Variants in SLC44A5 observed in about 807,000 individuals in gnomAD.
SLC44A5 encodes the protein choline transporter-like protein 5.
Under a neutral mutation model 101.8 loss-of-function variants are expected in SLC44A5, and 57 were observed. The ratio of observed to expected loss-of-function variants is 0.56; its 90% CI spans 0.45 to 0.70. The LOEUF is 0.70. Ranked by LOEUF, SLC44A5 falls within the 30% of genes least tolerant of loss-of-function variation. The pLI, the probability that SLC44A5 is intolerant of heterozygous loss-of-function variation, is 0.00. For missense variants in SLC44A5, 737 were observed against 853.1 expected (o/e 0.86, Z 1.70); for synonymous variants, 281 against 290.9 (o/e 0.97, Z 0.35).
intron 3 of SLC44A5, among the ~76,000 whole-genome samples, chr1:75,384,551 A>C (rs2101278652): frequency 1.0e-5 from 1 of 96,546 alleles, no homozygotes; most frequent in South Asian, 4.3e-4. Flanking sequence ...ACCCAGATTC[A>C]TAAAGCAAGT....
chr1:75,393,004 G>A (rs186930768), intron 3 of SLC44A5, among the ~76,000 whole-genome samples: 2 of 152,210 alleles, frequency 1.3e-5, no homozygotes, highest in Admixed American at 1.3e-4. Context: ...ACTATAAGAT[G>A]GGAGTGAGGA....
At chr1:75,598,836 C>T (rs952859412) in intron 1 of SLC44A5, among the ~76,000 whole-genome samples, 27 of 152,206 alleles carry the variant, frequency 1.8e-4, no homozygotes, top group Admixed American at 3.3e-4. Flanking sequence ...CTAGGCTTAA[C>T]ACCTGGGTGA....
chr1:75,395,535 CT>C (rs1321377710), intron 3 of SLC44A5, among the ~76,000 whole-genome samples: 1 of 152,038 alleles, frequency 6.6e-6, no homozygotes, highest in African/African-American at 2.4e-5. Flanking sequence ...AAAATGCTAT[CT>C]AAGTGTGAGA....
At position 75,259,560 on chromosome 1, in the gene SLC44A5, T is replaced by C. The variant is rs560916465; in HGVS notation, c.261-8266A>G. Among the ~76,000 whole-genome samples, 6 of 152,270 alleles carry C rather than the reference T, an allele frequency of 3.9e-5. No individual in the cohort carries two copies. In the South Asian group the frequency reaches 1.2e-3, roughly 32 times the overall value. The stretch of plus-strand genomic sequence containing the variant: ...AGACCAAATATATGTTTGATTGGTG[T>C]ACCTGAAAGTGACAGGGAGAATGGA... On this transcript the variant is annotated intron_variant, in intron 6 of 23. Transcript: ENST00000370859.
chr1:75,696,950 G>A, the SLC44A5 span, among the ~76,000 whole-genome samples: 1 of 152,088 alleles, frequency 6.6e-6, no homozygotes, highest in African/African-American at 2.4e-5. Context: ...GATCAGGAGT[G>A]GGCCAGAGTT....
intron 3 of SLC44A5, among the ~76,000 whole-genome samples, chr1:75,376,267 C>A (rs1483561962): frequency 4.6e-5 from 7 of 152,230 alleles, no homozygotes; most frequent in African/African-American, 1.7e-4. Context: ...GGGAGGGGCG[C>A]CCGCCATTGC....
chr1:75,441,532 A>G (rs1056997465), intron 2 of SLC44A5, among the ~76,000 whole-genome samples: 10 of 152,050 alleles, frequency 6.6e-5, no homozygotes, highest in Non-Finnish European at 5.9e-5. Flanking sequence ...AGGTGAAAAA[A>G]CAGTATATAA....
At chr1:75,687,273 G>A in the SLC44A5 span, among the ~76,000 whole-genome samples, 1 of 152,000 alleles carries the variant, frequency 6.6e-6, no homozygotes, top group African/African-American at 2.4e-5. Context: ...AAAGTGAATG[G>A]CTCCACAGTG....
chr1:75,309,437 T>A (rs532613707), intron 4 of SLC44A5, among the ~76,000 whole-genome samples: 9 of 152,234 alleles, frequency 5.9e-5, no homozygotes, highest in Non-Finnish European at 1.3e-4. Flanking sequence ...CTAAAAAAAA[T>A]TTTTCAAATA....
chr1:75,700,937 G>C, the SLC44A5 span, among the ~76,000 whole-genome samples: 7 of 152,004 alleles, frequency 4.6e-5, no homozygotes, highest in African/African-American at 1.7e-4. Context: ...GAGACATACA[G>C]CCTCCCAAGA....
the SLC44A5 span, among the ~76,000 whole-genome samples, chr1:75,681,890 G>A: frequency 2.6e-5 from 4 of 152,196 alleles, no homozygotes; most frequent in Non-Finnish European, 5.9e-5. Flanking sequence ...TCCTTAAGCT[G>A]ATAAGCAACT....
At chr1:75,497,776 A>T (rs968404165) in intron 2 of SLC44A5, among the ~76,000 whole-genome samples, 1 of 152,150 alleles carries the variant, frequency 6.6e-6, no homozygotes, top group African/African-American at 2.4e-5. Context: ...ATTTCAATTT[A>T]AAAAATGTTT....
At chr1:75,399,467 G>A (rs72986718) in intron 2 of SLC44A5, among the ~76,000 whole-genome samples, 5,030 of 152,262 alleles carry the variant, frequency 0.033, 280 homozygotes, top group African/African-American at 0.12. Context: ...CAGAGGAAAA[G>A]GGGAGTGTGC....
At chr1:75,465,746 G>A (rs765692723) in intron 2 of SLC44A5, among the ~76,000 whole-genome samples, 2 of 152,078 alleles carry the variant, frequency 1.3e-5, no homozygotes, top group Non-Finnish European at 2.9e-5. Context: ...TGGCTACTAT[G>A]AGCAACTATA....
intron 2 of SLC44A5, among the ~76,000 whole-genome samples, chr1:75,540,986 A>T (rs904779356): frequency 6.6e-6 from 1 of 152,214 alleles, no homozygotes; most frequent in Non-Finnish European, 1.5e-5. Flanking sequence ...TTCTCTAAGG[A>T]GCAAGCTCTA....
intron 3 of SLC44A5, among the ~76,000 whole-genome samples, chr1:75,389,417 T>G (rs1322548481): frequency 6.6e-6 from 1 of 152,188 alleles, no homozygotes; most frequent in Non-Finnish European, 1.5e-5. Context: ...AACCACATTC[T>G]TGGCCATAAA....
At chr1:75,707,594 A>G in the SLC44A5 span, among the ~76,000 whole-genome samples, 1 of 152,154 alleles carries the variant, frequency 6.6e-6, no homozygotes, top group African/African-American at 2.4e-5. Flanking sequence ...TCCTTTCCCT[A>G]TAGTTTTTCC....
At chr1:75,536,321 C>A (rs1272079314) in intron 2 of SLC44A5, among the ~76,000 whole-genome samples, 4 of 151,856 alleles carry the variant, frequency 2.6e-5, no homozygotes, top group Non-Finnish European at 5.9e-5. Flanking sequence ...CTGGCCCGGC[C>A]AGACGCGGTG....
At chr1:75,476,968 C>A (rs1245728153) in intron 2 of SLC44A5, among the ~76,000 whole-genome samples, 6 of 152,226 alleles carry the variant, frequency 3.9e-5, no homozygotes, top group Non-Finnish European at 5.9e-5. Flanking sequence ...GTCCCTGACC[C>A]CTGACCCCTG....
Sources: allele counts gnomAD v4.1 joint callset (sites outside exome capture counted in the v4.1 genomes callset), GRCh38; gene constraint gnomAD v4.1.1; transcripts MANE v1.5; gene names NCBI Gene and HGNC (gene_info 2026-07-23, HGNC 2026-07-21).